The following CWC27 variants were observed in gnomAD, a reference collection of about 807,000 sequenced individuals.
CWC27 encodes spliceosome-associated protein CWC27 homolog.
CWC27 carries 47 observed loss-of-function variants against 63.6 expected under a neutral mutation model. The observed-to-expected ratio is 0.74, with a 90% CI of 0.58 to 0.94. CWC27 has a LOEUF of 0.94. CWC27 is among the 40% of genes least tolerant of loss of function. The pLI, the probability that CWC27 is intolerant of heterozygous loss-of-function variation, is 0.00. For missense variants in CWC27, 495 were observed against 554.3 expected (o/e 0.89, Z 1.07); for synonymous variants, 175 against 179.8 (o/e 0.97, Z 0.22).
chr5:64,793,591 A>T (rs1025348149), intron 7 of CWC27, among the ~76,000 whole-genome samples: 4 of 152,178 alleles, frequency 2.6e-5, no homozygotes, highest in Non-Finnish European at 5.9e-5. Context: ...AATAGAATAT[A>T]TTTCTTCAAA....
intron 11 of CWC27, among the ~76,000 whole-genome samples, chr5:64,915,433 C>T (rs1019514421): frequency 6.6e-6 from 1 of 152,176 alleles, no homozygotes; most frequent in Admixed American, 6.5e-5. Context: ...TGGCAAACAA[C>T]AGATTTGCCT....
chr5:64,938,963 T>C (rs535989775), intron 11 of CWC27, among the ~76,000 whole-genome samples: 177 of 152,336 alleles, frequency 1.2e-3, no homozygotes, highest in African/African-American at 4.1e-3. Flanking sequence ...CATCAGGTCA[T>C]TTAATGTCTT....
chr5:64,922,847 G>T (rs1018539414), intron 11 of CWC27, among the ~76,000 whole-genome samples: 1 of 152,134 alleles, frequency 6.6e-6, no homozygotes, highest in Non-Finnish European at 1.5e-5. Flanking sequence ...TGCAAGTTAG[G>T]AAAGTTAAAT....
At chr5:64,832,273 T>G (rs1159739) in intron 10 of CWC27, among the ~76,000 whole-genome samples, 53,029 of 151,324 alleles carry the variant, frequency 0.35, 9,651 homozygotes, top group East Asian at 0.5. Flanking sequence ...ATCCAAAAAA[T>G]CACATTTGTT....
intron 11 of CWC27, among the ~76,000 whole-genome samples, chr5:64,898,168 T>A (rs1408271126): frequency 1.3e-5 from 2 of 152,218 alleles, no homozygotes; most frequent in Admixed American, 6.5e-5. Flanking sequence ...GTTTTCAGAC[T>A]ACATCTTCTG....
intron 10 of CWC27, among the ~76,000 whole-genome samples, chr5:64,860,266 TATG>T (rs1382129066): frequency 6.6e-6 from 1 of 152,210 alleles, no homozygotes; most frequent in Non-Finnish European, 1.5e-5. Context: ...CAATATTTAA[TATG>T]ATACTAGATT....
intron 11 of CWC27, among the ~76,000 whole-genome samples, chr5:64,955,026 A>G (rs1481650171): frequency 6.6e-6 from 1 of 152,130 alleles, no homozygotes; most frequent in Non-Finnish European, 1.5e-5. Context: ...CTTTGGAAAT[A>G]GGATTTAATA....
In CWC27 at chr5:64,804,214, T is replaced by C; in HGVS notation, c.781-15T>C. 6.3e-7 allele frequency: 1 copy of C among 1,577,216 alleles called. No homozygotes were observed. Among genetic ancestry groups the C allele is most frequent in the Non-Finnish European group, 8.6e-7 (1 of 1,160,722 alleles). ...AATTGAGCACCTGGCAAATACTCAT[T>C]TTCCATTTCTACAGGATGGAGAAGA... On this transcript the variant is annotated splice_polypyrimidine_tract_variant and intron_variant, in intron 9 of 13. Coordinates refer to ENST00000381070, the MANE Select transcript of CWC27 (RefSeq NM_005869.4).
chr5:64,831,722 G>T (rs564834017), intron 10 of CWC27, among the ~76,000 whole-genome samples: 1 of 151,742 alleles, frequency 6.6e-6, no homozygotes, highest in African/African-American at 2.4e-5. Flanking sequence ...TAAAATAAAA[G>T]TTGGAAAGGA....
chr5:64,776,045 G>A (rs1371068109), intron 2 of CWC27, among the ~76,000 whole-genome samples: 4 of 149,070 alleles, frequency 2.7e-5, no homozygotes, highest in Non-Finnish European at 4.5e-5. Context: ...CTCTCCAAAA[G>A]AGAGAGGTGG....
intron 10 of CWC27, among the ~76,000 whole-genome samples, chr5:64,822,290 A>G (rs186628742): frequency 1.0e-3 from 156 of 152,336 alleles, no homozygotes; most frequent in African/African-American, 3.5e-3. Flanking sequence ...ACAATATCCA[A>G]GTGGCATAAA....
chr5:64,981,570 C>T (rs1749331699), intron 13 of CWC27, among the ~76,000 whole-genome samples: 1 of 152,134 alleles, frequency 6.6e-6, no homozygotes, highest in South Asian at 2.1e-4. Flanking sequence ...ACTAGAATTG[C>T]TTTCTCAGTA....
At chr5:64,832,219 A>G (rs756933206) in intron 10 of CWC27, among the ~76,000 whole-genome samples, 1 of 151,908 alleles carries the variant, frequency 6.6e-6, no homozygotes, top group Non-Finnish European at 1.5e-5. Context: ...TGATCCATCA[A>G]GTTATGCAGA....
chr5:64,790,471 C>G (rs562554854), intron 7 of CWC27, among the ~76,000 whole-genome samples: 2 of 152,080 alleles, frequency 1.3e-5, no homozygotes, highest in African/African-American at 4.8e-5. Context: ...ATGGACAAAA[C>G]CATGAATGTT....
At chr5:65,001,926 G>T (rs902149207) in intron 13 of CWC27, among the ~76,000 whole-genome samples, 51 of 151,930 alleles carry the variant, frequency 3.4e-4, no homozygotes, top group African/African-American at 1.2e-3. Flanking sequence ...AATTTTGGTA[G>T]AATTCAGCAG....
At chr5:64,943,565 A>G (rs1046769546) in intron 11 of CWC27, among the ~76,000 whole-genome samples, 8 of 152,188 alleles carry the variant, frequency 5.3e-5, no homozygotes, top group Non-Finnish European at 8.8e-5. Context: ...CATTTATTCT[A>G]CAAATACTTA....
chr5:64,771,772 G>A (rs536285820), intron 1 of CWC27, among the ~76,000 whole-genome samples: 2 of 152,294 alleles, frequency 1.3e-5, no homozygotes, highest in Non-Finnish European at 2.9e-5. Context: ...CTACAAAGTA[G>A]TGATGACCAA....
intron 12 of CWC27, among the ~76,000 whole-genome samples, chr5:64,973,608 A>T (rs1296550004): frequency 6.6e-6 from 1 of 152,168 alleles, no homozygotes; most frequent in Non-Finnish European, 1.5e-5. Flanking sequence ...AATGTGTCCC[A>T]TTATTTTTGT....
intron 7 of CWC27, 146 bp from the exon 8 acceptor site, chr5:64,800,102 A>C: frequency 2.1e-6 from 1 of 476,150 alleles, no homozygotes; most frequent in Non-Finnish European, 3.7e-6. Context: ...TTACTTATAA[A>C]ACTTTAGTTT....
Sources: gnomAD v4.1 joint callset for allele counts (sites outside exome capture counted in the v4.1 genomes callset) on GRCh38, gnomAD v4.1.1 for gene constraint, MANE v1.5 for transcripts, NCBI Gene and HGNC (gene_info 2026-07-23, HGNC 2026-07-21) for gene names.